Variants in GJB7 observed in about 807,000 individuals in gnomAD.
GJB7 encodes the protein gap junction protein beta 7.
For missense variants in GJB7, 253 were observed against 256.8 expected (o/e 0.99, Z 0.10); for synonymous variants, 87 against 95.2 (o/e 0.91, Z 0.50).
chr6:87,300,598 T>G (rs1776306549), intron 2 of GJB7, among the ~76,000 whole-genome samples: 1 of 152,222 alleles, frequency 6.6e-6, no homozygotes, highest in Non-Finnish European at 1.5e-5. Flanking sequence ...TGGTTTCAGT[T>G]GACAATATAT....
intron 1 of GJB7, among the ~76,000 whole-genome samples, chr6:87,323,864 T>C (rs577887800): frequency 2.6e-5 from 4 of 152,262 alleles, no homozygotes; most frequent in South Asian, 4.1e-4. Flanking sequence ...ACTTCCACAA[T>C]GGTTGTACTG....
chr6:87,293,753 G>A (rs1478514442), intron 2 of GJB7, among the ~76,000 whole-genome samples: 1 of 152,202 alleles, frequency 6.6e-6, no homozygotes, highest in Non-Finnish European at 1.5e-5. Context: ...TGATTCAGAG[G>A]ATCCCAGCCT....
chr6:87,318,321 A>T (rs749694132), intron 2 of GJB7, among the ~76,000 whole-genome samples: 31 of 152,184 alleles, frequency 2.0e-4, no homozygotes, highest in Non-Finnish European at 1.9e-4. Flanking sequence ...GGAATTTACA[A>T]TGGAGGGCAT....
chr6:87,302,117 G>C (rs1489886416), intron 2 of GJB7, among the ~76,000 whole-genome samples: 1 of 152,194 alleles, frequency 6.6e-6, no homozygotes, highest in Admixed American at 6.5e-5. Context: ...AAAAATCAGA[G>C]CACCTCTCCC....
intron 1 of GJB7, among the ~76,000 whole-genome samples, chr6:87,328,209 C>T (rs917381219): frequency 3.3e-5 from 5 of 152,288 alleles, no homozygotes; most frequent in African/African-American, 4.8e-5. Context: ...AATTTCCTCC[C>T]GTAGCTCGGA....
intron 2 of GJB7, among the ~76,000 whole-genome samples, chr6:87,302,134 A>C (rs1175832963): frequency 6.6e-6 from 1 of 152,236 alleles, no homozygotes; most frequent in South Asian, 2.1e-4. Flanking sequence ...TCCCCCTCCA[A>C]AGGAATGCAG....
intron 2 of GJB7, among the ~76,000 whole-genome samples, chr6:87,309,754 C>T (rs549596343): frequency 2.0e-5 from 3 of 152,262 alleles, no homozygotes; most frequent in South Asian, 4.1e-4. Flanking sequence ...TCCCTGCATC[C>T]ACCCTCTAGA....
At chr6:87,325,539 T>C (rs983745726) in intron 1 of GJB7, among the ~76,000 whole-genome samples, 1 of 149,682 alleles carries the variant, frequency 6.7e-6, no homozygotes, top group African/African-American at 2.5e-5. Flanking sequence ...GGTTTTTGTC[T>C]TTGGTTCTGT....
intron 2 of GJB7, chr6:87,322,614 G>A (rs2296133): frequency 0.11 from 17,506 of 152,332 alleles, 1,050 homozygotes; most frequent in East Asian, 0.13. Context: ...GGCGAGGAGA[G>A]GAGGTGACCC....
rs537028273 is a variant in GJB7 at position 87,294,480 on chromosome 6, G to C, written c.-27-9541C>G. ...GTCAAGGTTCTAAGCATTAGCACCAGAGCTGGCTGCAGTGATGGAGGTATA... is the reference window on the plus strand; with the variant it reads ...GTCAAGGTTCTAAGCATTAGCACCACAGCTGGCTGCAGTGATGGAGGTATA... On this transcript the variant is annotated intron_variant, in intron 2 of 2. Coordinates refer to ENST00000525899, the MANE Select transcript of GJB7 (RefSeq NM_198568.3). 3.9e-5 allele frequency among the ~76,000 whole-genome samples: 6 copies of C among 152,384 alleles called. No individual in the cohort carries two copies. The East Asian group carries it at 1.2e-3, about 29-fold the overall frequency.
intron 2 of GJB7, among the ~76,000 whole-genome samples, chr6:87,312,728 C>G (rs1353468066): frequency 3.9e-5 from 6 of 152,130 alleles, no homozygotes; most frequent in Non-Finnish European, 7.4e-5. Flanking sequence ...GCCACTTTGC[C>G]TTATTTTATC....
chr6:87,304,941 T>C (rs900278286), intron 2 of GJB7, among the ~76,000 whole-genome samples: 2 of 152,192 alleles, frequency 1.3e-5, no homozygotes, highest in African/African-American at 2.4e-5. Flanking sequence ...ATTATCTCAA[T>C]AGATGCAGAA....
intron 2 of GJB7, among the ~76,000 whole-genome samples, chr6:87,316,205 C>G (rs1776582246): frequency 1.3e-5 from 2 of 152,186 alleles, no homozygotes; most frequent in Admixed American, 1.3e-4. Flanking sequence ...GATCGCCTTT[C>G]CTATCAACTC....
chr6:87,324,410 G>T (rs1182410152), intron 1 of GJB7, among the ~76,000 whole-genome samples: 1 of 151,496 alleles, frequency 6.6e-6, no homozygotes, highest in South Asian at 2.1e-4. Context: ...TAGGTCTAAC[G>T]TTTAAGTCTT....
intron 2 of GJB7, among the ~76,000 whole-genome samples, chr6:87,289,325 G>C (rs896561663): frequency 6.6e-6 from 1 of 151,988 alleles, no homozygotes; most frequent in African/African-American, 2.4e-5. Flanking sequence ...ACTTGTTTTC[G>C]TGATTAATAT....
intron 2 of GJB7, among the ~76,000 whole-genome samples, chr6:87,303,994 C>G (rs1369219003): frequency 1.3e-5 from 2 of 152,130 alleles, no homozygotes; most frequent in African/African-American, 4.8e-5. Context: ...AAAGACACAA[C>G]ATACCAGAAT....
intron 2 of GJB7, among the ~76,000 whole-genome samples, chr6:87,311,043 T>A (rs1776507648): frequency 6.6e-6 from 1 of 152,030 alleles, no homozygotes; most frequent in Non-Finnish European, 1.5e-5. Flanking sequence ...AGTTTAAAAA[T>A]AAGCATATGA....
chr6:87,318,588 C>A (rs1248927314), intron 2 of GJB7, among the ~76,000 whole-genome samples: 1 of 152,014 alleles, frequency 6.6e-6, no homozygotes, highest in Non-Finnish European at 1.5e-5. Flanking sequence ...TTTACCAGTT[C>A]AGGTGTTTTT....
At chr6:87,318,650 A>G (rs1776617046) in intron 2 of GJB7, among the ~76,000 whole-genome samples, 1 of 152,192 alleles carries the variant, frequency 6.6e-6, no homozygotes, top group Non-Finnish European at 1.5e-5. Flanking sequence ...AAAATAAATC[A>G]CAAGGGTGAC....
Sources: allele counts gnomAD v4.1 joint callset (sites outside exome capture counted in the v4.1 genomes callset), GRCh38; gene constraint gnomAD v4.1.1; transcripts MANE v1.5; gene names NCBI Gene and HGNC (gene_info 2026-07-23, HGNC 2026-07-21).